The following PHACTR4 variants were observed in gnomAD, a reference collection of about 807,000 sequenced individuals.
The protein encoded by PHACTR4 is phosphatase and actin regulator 4, also known as protein phosphatase 1, regulatory subunit 124.
Under a neutral mutation model 72.7 loss-of-function variants are expected in PHACTR4, and 51 were observed. The observed-to-expected ratio is 0.70, with a 90% confidence interval of 0.56 to 0.89. The LOEUF (loss-of-function observed/expected upper bound fraction) is 0.89, where lower values mean the gene tolerates loss of function less well. PHACTR4 is among the 40% of genes least tolerant of loss of function. The pLI, the probability that PHACTR4 is intolerant of heterozygous loss-of-function variation, is 0.00. For missense variants in PHACTR4, 731 were observed against 861.8 expected (o/e 0.85, Z 1.90); for synonymous variants, 255 against 302.5 (o/e 0.84, Z 1.63).
chr1:28,485,188 G>A lies in PHACTR4; in HGVS notation c.1761-3982G>A, dbSNP rs117035190. On this transcript the variant is annotated intron_variant, in intron 9 of 13. Coordinates refer to ENST00000373839, the MANE Select transcript of PHACTR4 (RefSeq NM_001048183.3). Reference sequence around the variant, plus strand: ...GTAGAAAGATAGTTGTCAGGGGCTCGGGATTGAAGGCAGGGGTGATAGGGA... The same window carrying A: ...GTAGAAAGATAGTTGTCAGGGGCTCAGGATTGAAGGCAGGGGTGATAGGGA... Among the ~76,000 whole-genome samples, 78 of 152,210 alleles carry A rather than the reference G, an allele frequency of 5.1e-4. 1 individual carries two copies. In the East Asian group the frequency reaches 0.014, roughly 26 times the overall value.
Position 28,453,250 on chromosome 1 carries a change from G to GT in PHACTR4, c.17-5834dup, listed in dbSNP as rs202113134. Among the ~76,000 whole-genome samples the GT allele has an allele frequency of 6.0e-3, 907 of 152,248 alleles. 4 individuals carry two copies. The highest frequency in any genetic ancestry group is 0.021 in the African/African-American group (865 of 41,524). On this transcript the variant is annotated intron_variant, in intron 2 of 13. Coordinates refer to ENST00000373839, the MANE Select transcript of PHACTR4 (RefSeq NM_001048183.3). ...ATTGCCAGTATCCACTTAAAATGCT[G>GT]TATGATGCTAATTTTCTAGTGAGCA...
At chr1:28,441,356 G>A (rs1256371425) in intron 2 of PHACTR4, among the ~76,000 whole-genome samples, 2 of 151,938 alleles carry the variant, frequency 1.3e-5, no homozygotes, top group Non-Finnish European at 2.9e-5. Flanking sequence ...TAGGATTACA[G>A]GTGTGAGCCA....
At chr1:28,452,604 A>C (rs1191405754) in intron 2 of PHACTR4, among the ~76,000 whole-genome samples, 1 of 151,710 alleles carries the variant, frequency 6.6e-6, no homozygotes, top group Non-Finnish European at 1.5e-5. Context: ...CTGGAGTTCA[A>C]GACCAGCCTG....
At chr1:28,461,323 A>G (rs1009505543) in intron 4 of PHACTR4, among the ~76,000 whole-genome samples, 1 of 152,028 alleles carries the variant, frequency 6.6e-6, no homozygotes, top group Admixed American at 6.6e-5. Context: ...CACCTGTAGT[A>G]CCAGCTACTT....
rs1162627543 is a variant in PHACTR4, at chr1:28,473,536, T to G, written c.824-18T>G. On this transcript the variant is annotated intron_variant, in intron 6 of 13. Transcript: ENST00000373839. Reference sequence around the variant, plus strand: ...ATTGGAAAGTCGTGAAATTGATGTGTTGCTCTCTCTTTTCCAGCTGAACTG... The same window carrying G: ...ATTGGAAAGTCGTGAAATTGATGTGGTGCTCTCTCTTTTCCAGCTGAACTG... The G allele has an allele frequency of 6.4e-7, 1 of 1,553,492 alleles. No homozygotes were observed. The highest frequency in any genetic ancestry group is 8.8e-7 in the Non-Finnish European group (1 of 1,133,520).
intron 9 of PHACTR4, among the ~76,000 whole-genome samples, chr1:28,484,279 C>T (rs1660480302): frequency 6.6e-6 from 1 of 152,028 alleles, no homozygotes; most frequent in South Asian, 2.1e-4. Flanking sequence ...TGAGATCACA[C>T]CATGGCACTC....
At position 28,487,840 on chromosome 1, in the gene PHACTR4, A is replaced by G. The variant is rs1466901047; in HGVS notation, c.1761-1330A>G. On this transcript the variant is annotated intron_variant, in intron 9 of 13. Coordinates refer to ENST00000373839, the MANE Select transcript of PHACTR4 (RefSeq NM_001048183.3). ...CAACCTCCATCTCCCAGGTTCAAGC[A>G]TTCTCCTGCCTCAGCCTCCCGAGTA... 2.1e-5 allele frequency among the ~76,000 whole-genome samples: 3 copies of G among 144,856 alleles called. No homozygotes were observed. In the East Asian group the frequency reaches 6.0e-4, roughly 29 times the overall value.
intron 1 of PHACTR4, among the ~76,000 whole-genome samples, chr1:28,403,722 G>A (rs1486318944): frequency 6.6e-6 from 1 of 151,786 alleles, no homozygotes; most frequent in African/African-American, 2.4e-5. Context: ...GTTCCCCTTA[G>A]CTGTCACTCT....
chr1:28,408,670 A>ATAT (rs765808172), intron 2 of PHACTR4, among the ~76,000 whole-genome samples: 4 of 149,682 alleles, frequency 2.7e-5, no homozygotes, highest in South Asian at 2.1e-4. Context: ...ATATATATAT[A>ATAT]TTTTTTTTTA....
chr1:28,424,876 C>T (rs1197641761), intron 2 of PHACTR4, among the ~76,000 whole-genome samples: 1 of 152,010 alleles, frequency 6.6e-6, no homozygotes, highest in Non-Finnish European at 1.5e-5. Flanking sequence ...TCACTGCAAC[C>T]TCTTCCTCCC....
intron 6 of PHACTR4, among the ~76,000 whole-genome samples, chr1:28,473,013 G>A (rs939782085): frequency 4.0e-5 from 6 of 149,980 alleles, no homozygotes; most frequent in Admixed American, 1.3e-4. Context: ...CATGGCTCAC[G>A]CCTGTAATCC....
intron 2 of PHACTR4, among the ~76,000 whole-genome samples, chr1:28,426,721 CTT>C (rs34171573): frequency 7.7e-5 from 11 of 142,290 alleles, no homozygotes; most frequent in East Asian, 2.0e-4. Flanking sequence ...TACTGGAAGA[CTT>C]TTTTTTTTTT....
chr1:28,412,026 C>T (rs539299440), intron 2 of PHACTR4, among the ~76,000 whole-genome samples: 1 of 152,190 alleles, frequency 6.6e-6, no homozygotes, highest in African/African-American at 2.4e-5. Context: ...ACCTTTTCTA[C>T]CTGGACAGAT....
chr1:28,485,918 T>G (rs1348348466), intron 9 of PHACTR4, among the ~76,000 whole-genome samples: 1 of 151,750 alleles, frequency 6.6e-6, no homozygotes, highest in Non-Finnish European at 1.5e-5. Flanking sequence ...ATAATAATAA[T>G]ACTGTATTGT....
intron 1 of PHACTR4, among the ~76,000 whole-genome samples, chr1:28,376,928 C>T (rs1306551450): frequency 6.6e-5 from 10 of 151,936 alleles, no homozygotes; most frequent in South Asian, 2.1e-4. Context: ...TGAGCCAGCG[C>T]GCCCGGCCTT....
intron 13 of PHACTR4, among the ~76,000 whole-genome samples, chr1:28,495,643 G>A (rs191073545): frequency 2.0e-5 from 3 of 151,094 alleles, no homozygotes; most frequent in African/African-American, 7.3e-5. Context: ...TTGAGACAAG[G>A]TCTCACTCTG....
chr1:28,489,238 A>G lies in PHACTR4; in HGVS notation c.1816+13A>G, dbSNP rs1249627365. 3 of 1,602,748 alleles carry G rather than the reference A, an allele frequency of 1.9e-6. No individual in the cohort carries two copies. The highest frequency in any genetic ancestry group is 2.2e-5 in the East Asian group (1 of 44,790). ...AATATATTGCAACGTGAGTCCAGTT[A>G]TGGAAATAAAGTTGTATAGATTTTC... On this transcript the variant is annotated intron_variant, in intron 10 of 13. Coordinates refer to ENST00000373839, the MANE Select transcript of PHACTR4 (RefSeq NM_001048183.3).
intron 1 of PHACTR4, among the ~76,000 whole-genome samples, chr1:28,370,438 C>G (rs1394970139): frequency 1.3e-5 from 2 of 152,012 alleles, no homozygotes; most frequent in African/African-American, 2.4e-5. Context: ...TCTCTCCCAC[C>G]CTCTACACCC....
chr1:28,439,781 A>G (rs1000374141), intron 2 of PHACTR4, among the ~76,000 whole-genome samples: 1 of 152,102 alleles, frequency 6.6e-6, no homozygotes, highest in African/African-American at 2.4e-5. Flanking sequence ...ACACTCTCCT[A>G]TATTTGATAA....
Sources: gnomAD v4.1 joint callset for allele counts (sites outside exome capture counted in the v4.1 genomes callset) on GRCh38, gnomAD v4.1.1 for gene constraint, MANE v1.5 for transcripts, NCBI Gene and HGNC (gene_info 2026-07-23, HGNC 2026-07-21) for gene names.